The following PLXDC2 variants were observed in gnomAD, a reference collection of about 807,000 sequenced individuals.
The protein encoded by PLXDC2 is plexin domain-containing protein 2.
Under a neutral mutation model 68.9 loss-of-function variants are expected in PLXDC2, and 40 were observed. The ratio of observed to expected loss-of-function variants is 0.58; its 90% CI spans 0.45 to 0.76. PLXDC2 has a LOEUF of 0.76. PLXDC2 is among the 30% of genes least tolerant of loss of function. The probability of loss-of-function intolerance (pLI) is 0.00; values close to 1 mark genes in which losing one functional copy is unlikely to be tolerated. For synonymous variants in PLXDC2, 243 were observed against 234.2 expected, an observed-to-expected ratio of 1.04 and a Z score of -0.34; for missense variants, 644 against 661.9, an observed-to-expected ratio of 0.97 and a Z score of 0.30.
At chr10:20,206,216 AC>A (rs1834989664) in intron 9 of PLXDC2, among the ~76,000 whole-genome samples, 1 of 152,108 alleles carries the variant, frequency 6.6e-6, no homozygotes, top group Non-Finnish European at 1.5e-5. Context: ...AAGATCACAC[AC>A]CTTTTTTGTG....
At chr10:20,145,586 G>A (rs1834065620) in intron 5 of PLXDC2, among the ~76,000 whole-genome samples, 1 of 152,084 alleles carries the variant, frequency 6.6e-6, no homozygotes, top group Non-Finnish European at 1.5e-5. Context: ...GTCTCACTCT[G>A]TCGCCCAGGC....
intron 2 of PLXDC2, among the ~76,000 whole-genome samples, chr10:20,006,588 A>G (rs1205073095): frequency 6.6e-6 from 1 of 152,198 alleles, no homozygotes; most frequent in Non-Finnish European, 1.5e-5. Context: ...TAAAACAACA[A>G]CAACAACAAA....
At chr10:19,921,863 T>G (rs955581816) in intron 1 of PLXDC2, among the ~76,000 whole-genome samples, 1 of 152,120 alleles carries the variant, frequency 6.6e-6, no homozygotes, top group African/African-American at 2.4e-5. Flanking sequence ...TTTTTTTTAA[T>G]TTTTTTATTT....
At chr10:20,167,839 T>G (rs1362690991) in intron 7 of PLXDC2, among the ~76,000 whole-genome samples, 1 of 152,162 alleles carries the variant, frequency 6.6e-6, no homozygotes, top group Non-Finnish European at 1.5e-5. Flanking sequence ...GGTGAAGATT[T>G]GGTAAAGCAT....
chr10:20,064,909 GGT>G (rs1331538165), intron 3 of PLXDC2, among the ~76,000 whole-genome samples: 10 of 364 alleles, frequency 0.027, no homozygotes, highest in Non-Finnish European at 0.041. Context: ...TTGTTTGTTT[GGT>G]TTTTTTTTCT....
At position 19,816,687 on chromosome 10, in the gene PLXDC2, C is replaced by A; in HGVS notation, c.-393C>A. 1 of 282,344 alleles carries A rather than the reference C, an allele frequency of 3.5e-6. No individual in the cohort carries two copies. Among genetic ancestry groups the A allele is most frequent in the Non-Finnish European group, 6.8e-6 (1 of 147,600 alleles). The allele number at this position is 282,344 out of a possible 1,614,324, so 17.5% of individuals were successfully genotyped here. ...AGCGGCGCTGGCTGTGGAATTAGAT[C>A]TGTTTTGAACCCAGTGGAGCGCATC... On this transcript the variant is annotated 5_prime_UTR_variant, in exon 1 of 14. The change creates a new upstream start codon in the 5' untranslated region. Transcript: ENST00000377252.
intron 1 of PLXDC2, among the ~76,000 whole-genome samples, chr10:19,932,758 C>T (rs1052272635): frequency 6.7e-6 from 1 of 148,964 alleles, no homozygotes; most frequent in South Asian, 2.2e-4. Context: ...ATTAAAAAAA[C>T]CACATTCTTT....
intron 6 of PLXDC2, among the ~76,000 whole-genome samples, chr10:20,158,501 C>CAAAAAAAAAA (rs59079629): frequency 8.8e-4 from 104 of 118,728 alleles, no homozygotes; most frequent in African/African-American, 2.7e-3. Flanking sequence ...TCTGTCTCTG[C>CAAAAAAAAAA]AAAAAAAAAA....
At chr10:19,854,225 C>T (rs1182542004) in intron 1 of PLXDC2, among the ~76,000 whole-genome samples, 1 of 152,186 alleles carries the variant, frequency 6.6e-6, no homozygotes, top group African/African-American at 2.4e-5. Flanking sequence ...CAGATCGGGA[C>T]ATCATATAAA....
chr10:19,989,109 A>G (rs1037225106), intron 1 of PLXDC2, among the ~76,000 whole-genome samples: 1 of 152,110 alleles, frequency 6.6e-6, no homozygotes, highest in African/African-American at 2.4e-5. Flanking sequence ...CTAATACCAC[A>G]TTTAGGTGAC....
intron 4 of PLXDC2, among the ~76,000 whole-genome samples, chr10:20,076,363 A>C (rs1280579661): frequency 6.6e-6 from 1 of 152,214 alleles, no homozygotes; most frequent in Non-Finnish European, 1.5e-5. Context: ...AAGCCAAGGC[A>C]ATCGTAACTG....
In PLXDC2 at chr10:20,116,405, G is replaced by C. The variant is rs77831280; in HGVS notation, c.542-26890G>C. ...TCCCACAGTTCTGGTTCTATTGCCTGCCTTTTTTTTCCATATACCCATTTC... is the reference window on the plus strand; with the variant it reads ...TCCCACAGTTCTGGTTCTATTGCCTCCCTTTTTTTTCCATATACCCATTTC... On this transcript the variant is annotated intron_variant, in intron 4 of 13. Coordinates refer to ENST00000377252, the MANE Select transcript of PLXDC2 (RefSeq NM_032812.9). Among the ~76,000 whole-genome samples the C allele has an allele frequency of 2.2e-3, 332 of 152,184 alleles. 1 individual carries two copies. The highest frequency in any genetic ancestry group is 7.7e-3 in the African/African-American group (319 of 41,528).
At chr10:19,862,213 A>C (rs1399423709) in intron 1 of PLXDC2, among the ~76,000 whole-genome samples, 1 of 152,204 alleles carries the variant, frequency 6.6e-6, no homozygotes, top group Non-Finnish European at 1.5e-5. Context: ...TTGCAATCCA[A>C]CTAGCATCTT....
intron 4 of PLXDC2, among the ~76,000 whole-genome samples, chr10:20,086,945 T>C (rs1415569201): frequency 6.6e-6 from 1 of 152,160 alleles, no homozygotes; most frequent in Non-Finnish European, 1.5e-5. Context: ...GGATCCTAAA[T>C]CTAAGGCAAA....
chr10:20,154,787 C>CT (rs904737815), intron 6 of PLXDC2, among the ~76,000 whole-genome samples: 5 of 151,396 alleles, frequency 3.3e-5, no homozygotes, highest in African/African-American at 7.3e-5. Flanking sequence ...AACTCGGGTT[C>CT]TTTTTTTTCA....
At chr10:19,892,634 A>G (rs1334197610) in intron 1 of PLXDC2, among the ~76,000 whole-genome samples, 2 of 152,220 alleles carry the variant, frequency 1.3e-5, no homozygotes, top group Admixed American at 6.5e-5. Context: ...TAAAAGCCCA[A>G]TCCTATAGTA....
chr10:20,217,300 A>G (rs1343717509), intron 10 of PLXDC2, 126 bp from the exon 11 acceptor site: 2 of 814,260 alleles, frequency 2.5e-6, no homozygotes, highest in Non-Finnish European at 3.6e-6. Context: ...GTCTTGTACA[A>G]AAGTAATTTA....
At chr10:20,057,276 C>A (rs534488689) in intron 3 of PLXDC2, among the ~76,000 whole-genome samples, 1 of 152,116 alleles carries the variant, frequency 6.6e-6, no homozygotes, top group South Asian at 2.1e-4. Flanking sequence ...CATCTGAAAG[C>A]AAATAATCTT....
Position 19,824,688 on chromosome 10 carries a change from A to G in PLXDC2, c.112+7497A>G, listed in dbSNP as rs1354980672. Among the ~76,000 whole-genome samples the G allele has an allele frequency of 2.0e-5, 3 of 152,332 alleles. No homozygotes were observed. The East Asian group carries it at 5.8e-4, about 29-fold the overall frequency. ...GCTAAGTAGTGATGCTTTTATTAAGAAAGTTTCTTCCACTATTTATTGTGT... is the reference window on the plus strand; with the variant it reads ...GCTAAGTAGTGATGCTTTTATTAAGGAAGTTTCTTCCACTATTTATTGTGT... On this transcript the variant is annotated intron_variant, in intron 1 of 13. Coordinates refer to ENST00000377252, the MANE Select transcript of PLXDC2 (RefSeq NM_032812.9).
Sources: allele counts gnomAD v4.1 joint callset (sites outside exome capture counted in the v4.1 genomes callset), GRCh38; gene constraint gnomAD v4.1.1; transcripts MANE v1.5; gene names NCBI Gene and HGNC (gene_info 2026-07-23, HGNC 2026-07-21).